PCDH11Y: variants seen among roughly 807,000 people sequenced by gnomAD.
PCDH11Y encodes the protein protocadherin-11 Y-linked.
For missense variants in PCDH11Y, 12 were observed against 224.8 expected (o/e 0.05, Z 6.05); for synonymous variants, 9 against 83.6 (o/e 0.11, Z 4.87).
intron 4 of PCDH11Y, among the ~76,000 whole-genome samples, chrY:5,736,962 G>A (rs2053609891): frequency 3.1e-5 from 1 of 32,071 alleles, no homozygotes; most frequent in South Asian, 7.1e-4. Flanking sequence ...CAGCTGACTT[G>A]CATGTATAGA....
At chrY:5,741,484 T>G in exon 5 of PCDH11Y, 4 of 32,921 alleles carry the variant, frequency 1.2e-4, no homozygotes, top group African/African-American at 2.3e-4. Context: ...TTTAGACTTT[T>G]ATTTATACTC....
chrY:5,399,996 C>G, intron 2 of PCDH11Y, among the ~76,000 whole-genome samples: 4 of 33,047 alleles, frequency 1.2e-4, no homozygotes, highest in African/African-American at 4.7e-4. Context: ...AGACCCTAAC[C>G]CAGTGGCCCT....
At chrY:5,584,614 G>A in intron 4 of PCDH11Y, among the ~76,000 whole-genome samples, 1 of 28,013 alleles carries the variant, frequency 3.6e-5, no homozygotes, top group African/African-American at 1.4e-4. Context: ...AAGTTCAGGG[G>A]TACAAGTGTA....
At position 5,486,189 on chromosome Y, in the gene PCDH11Y, G is replaced by A. The variant is rs2124686284; in HGVS notation, c.3130-14868G>A. ...TTGAAGAATGATTCTTCTGCAACGT[G>A]AGCTTTTTGTTGGTTCAGTTGAAAA... On this transcript the variant is annotated intron_variant, in intron 2 of 4. Transcript: ENST00000400457. 9.0e-4 allele frequency among the ~76,000 whole-genome samples: 30 copies of A among 33,393 alleles called. No homozygotes were observed. The East Asian group carries it at 0.024, about 27-fold the overall frequency. 89.6% of individuals were successfully genotyped at this position (33,393 alleles called of 37,273 possible). A position where few individuals can be genotyped will look rare whatever the true frequency, so the allele number is the denominator to read the frequency against.
At chrY:5,642,855 AGGGCTTCTCTAAG>A (rs2053524038) in intron 4 of PCDH11Y, among the ~76,000 whole-genome samples, 2 of 33,284 alleles carry the variant, frequency 6.0e-5, no homozygotes, top group Admixed American at 2.8e-4. Flanking sequence ...TAAAGTTCAC[AGGGCTTCTCTAAG>A]GGAAGGGTCA....
At chrY:5,197,560 CAA>C (rs2052920498) in intron 2 of PCDH11Y, among the ~76,000 whole-genome samples, 3 of 30,877 alleles carry the variant, frequency 9.7e-5, no homozygotes, top group Non-Finnish European at 2.3e-4. Flanking sequence ...TTCACAATAG[CAA>C]AGACTTGGAA....
At chrY:5,706,932 T>C (rs2053583346) in intron 4 of PCDH11Y, among the ~76,000 whole-genome samples, 1 of 33,299 alleles carries the variant, frequency 3.0e-5, no homozygotes, top group African/African-American at 1.2e-4. Flanking sequence ...TAATTTCATT[T>C]CAAGTTTCCT....
chrY:5,409,101 A>G, intron 2 of PCDH11Y, among the ~76,000 whole-genome samples: 1 of 26,886 alleles, frequency 3.7e-5, no homozygotes, highest in Non-Finnish European at 8.6e-5. Flanking sequence ...TCATAAAAAT[A>G]AATAGTAATT....
intron 2 of PCDH11Y, among the ~76,000 whole-genome samples, chrY:5,122,779 C>G: frequency 3.2e-5 from 1 of 31,005 alleles, no homozygotes; most frequent in African/African-American, 1.3e-4. Flanking sequence ...TTACAGACAT[C>G]TCAAGATTTT....
intron 4 of PCDH11Y, among the ~76,000 whole-genome samples, chrY:5,686,009 G>A (rs2053562664): frequency 1.2e-3 from 39 of 33,447 alleles, no homozygotes; most frequent in African/African-American, 4.4e-3. Flanking sequence ...GCACCCCACT[G>A]ATTTCCTGAA....
At chrY:5,090,057 A>C in intron 1 of PCDH11Y, among the ~76,000 whole-genome samples, 1 of 33,564 alleles carries the variant, frequency 3.0e-5, no homozygotes, top group Non-Finnish European at 7.4e-5. Context: ...TTTCGCTGAC[A>C]TACAATGAAC....
intron 1 of PCDH11Y, among the ~76,000 whole-genome samples, chrY:5,075,467 A>C: frequency 6.0e-5 from 2 of 33,161 alleles, no homozygotes; most frequent in Non-Finnish European, 1.5e-4. Context: ...TGATTAAATT[A>C]TTATTGACTG....
chrY:5,107,804 A>C (rs2052793204), downstream of PCDH11Y, among the ~76,000 whole-genome samples: 2 of 33,566 alleles, frequency 6.0e-5, no homozygotes, highest in South Asian at 6.6e-4. Context: ...TCACGCCTGT[A>C]ATCCCAGCAC....
chrY:5,720,668 T>G (rs2053593988), intron 4 of PCDH11Y, among the ~76,000 whole-genome samples: 16 of 32,892 alleles, frequency 4.9e-4, no homozygotes, highest in African/African-American at 1.2e-3. Flanking sequence ...GTACCCATAT[T>G]CATAGCTGCA....
chrY:5,009,747 C>T, intron 1 of PCDH11Y, among the ~76,000 whole-genome samples: 1 of 33,057 alleles, frequency 3.0e-5, no homozygotes, highest in Non-Finnish European at 7.5e-5. Context: ...TACTTTGTGA[C>T]AGAGGAAGAG....
intron 2 of PCDH11Y, among the ~76,000 whole-genome samples, chrY:5,318,746 T>G: frequency 3.2e-5 from 1 of 31,130 alleles, no homozygotes; most frequent in Non-Finnish European, 7.8e-5. Context: ...TGTGTGTGTG[T>G]ATAAACCATT....
chrY:5,042,031 T>C (rs2052614079), intron 3 of PCDH11Y, among the ~76,000 whole-genome samples: 1 of 33,168 alleles, frequency 3.0e-5, no homozygotes, highest in Non-Finnish European at 7.5e-5. Flanking sequence ...ATGAGTAGGT[T>C]GCGAAAATTT....
At chrY:5,449,942 A>G (rs2053291723) in intron 2 of PCDH11Y, among the ~76,000 whole-genome samples, 1 of 33,326 alleles carries the variant, frequency 3.0e-5, no homozygotes, top group African/African-American at 1.2e-4. Flanking sequence ...GTGTAGATAG[A>G]TAGATATTGG....
At chrY:5,721,923 C>T (rs2053595071) in intron 4 of PCDH11Y, among the ~76,000 whole-genome samples, 1 of 32,971 alleles carries the variant, frequency 3.0e-5, no homozygotes, top group Non-Finnish European at 7.6e-5. Context: ...ATGAGTTACA[C>T]TGTGAGCTCT....
Sources: allele counts gnomAD v4.1 joint callset (sites outside exome capture counted in the v4.1 genomes callset), GRCh38; gene constraint gnomAD v4.1.1; transcripts MANE v1.5; gene names NCBI Gene and HGNC (gene_info 2026-07-23, HGNC 2026-07-21).